Variants in GRM3 observed in about 807,000 individuals in gnomAD.
The protein encoded by GRM3 is metabotropic glutamate receptor 3.
GRM3 carries 26 observed loss-of-function variants against 70.5 expected under a neutral mutation model. That is an observed-to-expected ratio of 0.37 (90% CI 0.27 to 0.51). The LOEUF is 0.51. GRM3 is among the 20% of genes least tolerant of loss of function. The pLI, the probability that GRM3 is intolerant of heterozygous loss-of-function variation, is 0.93. For missense variants in GRM3, 859 were observed against 1,123.8 expected, an observed-to-expected ratio of 0.76 and a Z score of 3.37; for synonymous variants, 443 against 434.9, an observed-to-expected ratio of 1.02 and a Z score of -0.23.
intron 1 of GRM3, among the ~76,000 whole-genome samples, chr7:86,718,366 A>G (rs926407511): frequency 3.3e-5 from 5 of 152,010 alleles, no homozygotes; most frequent in African/African-American, 1.2e-4. Flanking sequence ...CAGATTTATT[A>G]TAATCTGACC....
At chr7:86,697,681 A>G (rs1794850155) in intron 1 of GRM3, among the ~76,000 whole-genome samples, 1 of 152,104 alleles carries the variant, frequency 6.6e-6, no homozygotes, top group Non-Finnish European at 1.5e-5. Flanking sequence ...TAATATTACT[A>G]ATTTTGAAAT....
intron 3 of GRM3, among the ~76,000 whole-genome samples, chr7:86,797,765 A>G (rs1166557312): frequency 6.6e-6 from 1 of 152,180 alleles, no homozygotes; most frequent in Non-Finnish European, 1.5e-5. Context: ...AGAGACCTTC[A>G]CAGAATCCCC....
chr7:86,781,696 C>T (rs955166613), intron 2 of GRM3, among the ~76,000 whole-genome samples: 8 of 152,030 alleles, frequency 5.3e-5, no homozygotes, highest in African/African-American at 1.9e-4. Flanking sequence ...TTCACAGTTT[C>T]TTCTATCTCT....
intron 1 of GRM3, among the ~76,000 whole-genome samples, chr7:86,735,623 T>G (rs1795840459): frequency 6.6e-6 from 1 of 152,196 alleles, no homozygotes. Flanking sequence ...TGGGTATTAT[T>G]GTCCTAAACT....
intron 1 of GRM3, among the ~76,000 whole-genome samples, chr7:86,654,625 A>C (rs904707419): frequency 1.3e-5 from 2 of 152,202 alleles, no homozygotes; most frequent in Non-Finnish European, 2.9e-5. Context: ...ACTGCCCATG[A>C]CATTTTTCTT....
Position 86,786,365 on chromosome 7 carries a change from G to GC in GRM3, c.579dup (p.Asp194ArgfsTer10). On this transcript the variant is annotated frameshift_variant, in exon 3 of 6. Transcript: ENST00000361669. LOFTEE classifies it high-confidence loss of function. This position sits in a 1 kb window ranked among gnomAD's most constrained non-coding sequence, Gnocchi z 6.0. ...GCTATGATTACTTTGCCAGGACCGTGCCCCCCGACTTCTACCAGGCCAAAG... is the reference window on the plus strand; with the variant it reads ...GCTATGATTACTTTGCCAGGACCGTGCCCCCCCGACTTCTACCAGGCCAAAG... The GC allele has an allele frequency of 1.2e-6, 2 of 1,614,122 alleles. No individual in the cohort carries two copies. Among genetic ancestry groups the GC allele is most frequent in the South Asian group, 1.1e-5 (1 of 91,080 alleles).
chr7:86,695,398 A>G lies in GRM3; in HGVS notation c.-141+50526A>G, dbSNP rs541653688. ...ATAATGTTCAGTTTCGAATATATATATTTCTTATATCTGATATAGTAACAC... is the reference window on the plus strand; with the variant it reads ...ATAATGTTCAGTTTCGAATATATATGTTTCTTATATCTGATATAGTAACAC... On this transcript the variant is annotated intron_variant, in intron 1 of 5. Transcript: ENST00000361669. Among the ~76,000 whole-genome samples, 271 of 152,302 alleles carry G rather than the reference A, an allele frequency of 1.8e-3. 1 individual carries two copies. Among genetic ancestry groups the G allele is most frequent in the Non-Finnish European group, 2.7e-3 (187 of 68,028 alleles).
intron 5 of GRM3, among the ~76,000 whole-genome samples, chr7:86,863,780 A>AGG (rs1799005002): frequency 1.3e-5 from 2 of 152,148 alleles, no homozygotes; most frequent in Non-Finnish European, 2.9e-5. Flanking sequence ...GATTTTGCAC[A>AGG]TTGTATTTAA....
chr7:86,691,322 G>T (rs1319147787), intron 1 of GRM3, among the ~76,000 whole-genome samples: 2 of 151,936 alleles, frequency 1.3e-5, no homozygotes, highest in African/African-American at 4.8e-5. Context: ...CTCACACACT[G>T]CATTCTCCAT....
At chr7:86,809,879 C>G (rs79301007) in intron 3 of GRM3, among the ~76,000 whole-genome samples, 7,720 of 152,082 alleles carry the variant, frequency 0.051, 296 homozygotes, top group Middle Eastern at 0.12. Context: ...CATACAGCAT[C>G]TCATTTAATA....
Position 86,782,759 on chromosome 7 carries a change from A to T in GRM3, c.469-3502A>T, listed in dbSNP as rs560608834. Among the ~76,000 whole-genome samples the T allele has an allele frequency of 1.1e-3, 161 of 152,278 alleles. 1 individual carries two copies. Among genetic ancestry groups the T allele is most frequent in the Non-Finnish European group, 1.9e-3 (127 of 67,986 alleles). ...ACCCAGTGGATTCTTTAGAGTTTTC[A>T]TCTTCTCTTTCTTGTTGAGACTATT... is the stretch of plus-strand genomic sequence containing the variant. On this transcript the variant is annotated intron_variant, in intron 2 of 5. Coordinates refer to ENST00000361669, the MANE Select transcript of GRM3 (RefSeq NM_000840.3).
At chr7:86,776,038 A>C (rs184826094) in intron 2 of GRM3, 2 of 152,204 alleles carry the variant, frequency 1.3e-5, no homozygotes, top group East Asian at 3.9e-4. Flanking sequence ...CCAGGAAAAA[A>C]AAAACAAAAC....
Position 86,710,422 on chromosome 7 carries a change from T to C in GRM3, c.-140-54584T>C, listed in dbSNP as rs539059157. On this transcript the variant is annotated intron_variant, in intron 1 of 5. Transcript: ENST00000361669. ...TTCACATTTGAATAAATTACGTTTA[T>C]GTTTTATATTTACTGGGAAAGCAGA... Among the ~76,000 whole-genome samples the C allele has an allele frequency of 1.1e-3, 167 of 151,698 alleles. 1 individual carries two copies. The highest frequency in any genetic ancestry group is 2.0e-3 in the Non-Finnish European group (133 of 67,904).
chr7:86,645,030 G>A, intron 1 of GRM3, 158 bp downstream of exon 1: 1 of 364,638 alleles, frequency 2.7e-6, no homozygotes, highest in South Asian at 2.0e-5. Context: ...GAGGGCAGAG[G>A]CGATGTGGGT....
At chr7:86,710,286 T>A (rs1003738266) in intron 1 of GRM3, 3 of 152,122 alleles carry the variant, frequency 2.0e-5, no homozygotes, top group African/African-American at 7.2e-5. Context: ...AATGCCTATT[T>A]TTTTTCATTT....
intron 1 of GRM3, among the ~76,000 whole-genome samples, chr7:86,698,734 G>T (rs1174156607): frequency 1.3e-5 from 2 of 151,876 alleles, no homozygotes; most frequent in Non-Finnish European, 2.9e-5. Context: ...AGAACAAAAT[G>T]GGTTACCCAT....
At position 86,653,339 on chromosome 7, in the gene GRM3, G is replaced by A. The variant is rs142967004; in HGVS notation, c.-141+8467G>A. ...GAATTTTGGAGCAACACAAATATTC[G>A]GTCCATAACAATTACATGTAGAATG... On this transcript the variant is annotated intron_variant, in intron 1 of 5. Transcript: ENST00000361669. 3.6e-3 allele frequency among the ~76,000 whole-genome samples: 546 copies of A among 152,240 alleles called. 5 individuals carry two copies. The highest frequency in any genetic ancestry group is 0.013 in the African/African-American group (520 of 41,550).
At chr7:86,647,520 G>A (rs747462638) in intron 1 of GRM3, among the ~76,000 whole-genome samples, 2 of 152,174 alleles carry the variant, frequency 1.3e-5, no homozygotes, top group Non-Finnish European at 2.9e-5. Context: ...AAGTTCCAGC[G>A]TGAGACTTGT....
intron 1 of GRM3, among the ~76,000 whole-genome samples, chr7:86,754,275 GA>G (rs1796295111): frequency 2.0e-5 from 3 of 152,048 alleles, no homozygotes; most frequent in South Asian, 4.1e-4. Flanking sequence ...ACAATTCCAT[GA>G]TTAAAAATGT....
Sources: allele counts gnomAD v4.1 joint callset (sites outside exome capture counted in the v4.1 genomes callset), GRCh38; gene constraint gnomAD v4.1.1; non-coding constraint Gnocchi (gnomAD v3.1); transcripts MANE v1.5; gene names NCBI Gene and HGNC (gene_info 2026-07-23, HGNC 2026-07-21).